ANKIB1: variants seen among roughly 807,000 people sequenced by gnomAD.
The protein encoded by ANKIB1 is ankyrin repeat and IBR domain-containing protein 1.
In ANKIB1, 43 loss-of-function variants were observed where a neutral mutation model predicts 122.1. The observed-to-expected ratio is 0.35, with a 90% CI of 0.28 to 0.45. The LOEUF (loss-of-function observed/expected upper bound fraction) is 0.45, where lower values mean the gene tolerates loss of function less well. Among genes scored for constraint, ANKIB1 ranks in the 20% least tolerant of loss-of-function variants. The pLI, the probability that ANKIB1 is intolerant of heterozygous loss-of-function variation, is 1.00. For missense variants in ANKIB1, 992 were observed against 1,329.5 expected, an observed-to-expected ratio of 0.75 and a Z score of 3.95; for synonymous variants, 390 against 442.0, an observed-to-expected ratio of 0.88 and a Z score of 1.48.
chr7:92,293,003 A>G (rs185030362), intron 1 of ANKIB1, among the ~76,000 whole-genome samples: 5 of 152,328 alleles, frequency 3.3e-5, no homozygotes, highest in Admixed American at 3.3e-4. Context: ...AAAAACCCAA[A>G]TGGTGACCTC....
At chr7:92,383,860 T>A (rs567035846) in intron 11 of ANKIB1, among the ~76,000 whole-genome samples, 1 of 152,300 alleles carries the variant, frequency 6.6e-6, no homozygotes, top group East Asian at 1.9e-4. Flanking sequence ...TCACCACTCC[T>A]ATTCAACATA....
chr7:92,347,004 A>G (rs899343700), intron 7 of ANKIB1, among the ~76,000 whole-genome samples: 3 of 152,210 alleles, frequency 2.0e-5, no homozygotes, highest in Non-Finnish European at 4.4e-5. Flanking sequence ...ATGTTGGGTG[A>G]TTCATGTGTT....
chr7:92,378,870 A>C (rs149617484), intron 11 of ANKIB1, among the ~76,000 whole-genome samples: 1 of 152,234 alleles, frequency 6.6e-6, no homozygotes, highest in Non-Finnish European at 1.5e-5. Context: ...GCAGAGTAAT[A>C]ACCTTCGTGT....
chr7:92,365,854 T>C (rs1411052957), intron 10 of ANKIB1, among the ~76,000 whole-genome samples: 1 of 121,232 alleles, frequency 8.2e-6, no homozygotes, highest in Non-Finnish European at 1.6e-5. Flanking sequence ...TGGAGTGCAG[T>C]GGTGCGATCT....
chr7:92,395,538 C>CTTTTTTTT (rs35028119), intron 17 of ANKIB1, among the ~76,000 whole-genome samples: 3 of 108,288 alleles, frequency 2.8e-5, no homozygotes, highest in Non-Finnish European at 5.8e-5. Context: ...ATCCCAGTCA[C>CTTTTTTTT]TTTTTTTTTT....
intron 5 of ANKIB1, among the ~76,000 whole-genome samples, chr7:92,335,314 C>G (rs1803263928): frequency 1.3e-5 from 2 of 151,864 alleles, no homozygotes; most frequent in South Asian, 4.1e-4. Context: ...TGTAGTCTGT[C>G]TTGATGACTA....
intron 17 of ANKIB1, among the ~76,000 whole-genome samples, chr7:92,395,108 C>A (rs1297217395): frequency 6.6e-6 from 1 of 152,116 alleles, no homozygotes; most frequent in African/African-American, 2.4e-5. Flanking sequence ...GTACCCTGGC[C>A]TCCTCTCTTC....
intron 3 of ANKIB1, among the ~76,000 whole-genome samples, chr7:92,310,146 A>T (rs1014693375): frequency 1.3e-5 from 2 of 151,760 alleles, no homozygotes; most frequent in Non-Finnish European, 2.9e-5. Flanking sequence ...ATACTGTACT[A>T]TCTGGCAGGC....
intron 10 of ANKIB1, among the ~76,000 whole-genome samples, chr7:92,367,435 A>G (rs1003953335): frequency 2.0e-5 from 3 of 152,248 alleles, no homozygotes; most frequent in African/African-American, 7.2e-5. Context: ...TGATATTTCA[A>G]AAAGGAAAAG....
Position 92,386,649 on chromosome 7 carries a change from G to A in ANKIB1, c.1752+6G>A, listed in dbSNP as rs1167373332. ...CCAAGGAAATGACTGTGGAGGTAAA[G>A]AGAACCAATTAAGCCAAGACATCTC... On this transcript the variant is annotated splice_donor_region_variant and intron_variant, in intron 12 of 19. Transcript: ENST00000265742. 2 of 1,591,448 alleles carry A rather than the reference G, an allele frequency of 1.3e-6. No individual in the cohort carries two copies.
rs1800950900 is a variant in ANKIB1, at chr7:92,246,071, C to T, written c.-539C>T. The T allele has an allele frequency of 3.6e-6, 1 of 281,508 alleles. No individual in the cohort carries two copies. Among genetic ancestry groups the T allele is most frequent in the South Asian group, 2.7e-5 (1 of 36,376 alleles). 17.4% of individuals were successfully genotyped at this position (281,508 alleles called of 1,614,324 possible). A position where few individuals can be genotyped will look rare whatever the true frequency, so the allele number is the denominator to read the frequency against. On this transcript the variant is annotated 5_prime_UTR_variant, in exon 1 of 20. Coordinates refer to ENST00000265742, the MANE Select transcript of ANKIB1 (RefSeq NM_019004.2). Reference sequence around the variant, plus strand: ...GGCGACTAGGAGACTAGGGTGGTGGCGGTGGGGGTGCCAGCGGCTGAGCCG... The same window carrying T: ...GGCGACTAGGAGACTAGGGTGGTGGTGGTGGGGGTGCCAGCGGCTGAGCCG...
intron 9 of ANKIB1, among the ~76,000 whole-genome samples, chr7:92,357,802 A>T (rs534608003): frequency 1.3e-5 from 2 of 151,878 alleles, no homozygotes; most frequent in African/African-American, 4.8e-5. Context: ...CATCTTCACT[A>T]CTTTTCTCAA....
chr7:92,338,925 AAAAAAAAAATATATATATAT>A (rs1207058064), intron 5 of ANKIB1, among the ~76,000 whole-genome samples: 2 of 59,206 alleles, frequency 3.4e-5, no homozygotes, highest in African/African-American at 1.3e-4. Context: ...AAAAAAAAAA[AAAAAAAAAATATATATATAT>A]ATATATATAT....
At chr7:92,351,508 TATC>T (rs1231783827) in intron 8 of ANKIB1, among the ~76,000 whole-genome samples, 1 of 152,156 alleles carries the variant, frequency 6.6e-6, no homozygotes, top group Non-Finnish European at 1.5e-5. Context: ...GGAAGTTTAT[TATC>T]ATTTTTATTC....
At chr7:92,250,410 T>G (rs1014141345) in intron 1 of ANKIB1, among the ~76,000 whole-genome samples, 2 of 152,100 alleles carry the variant, frequency 1.3e-5, no homozygotes, top group Non-Finnish European at 2.9e-5. Context: ...AATAAATCAA[T>G]AAAGCAGATA....
At chr7:92,291,712 T>C (rs1424736147) in intron 1 of ANKIB1, among the ~76,000 whole-genome samples, 2 of 151,726 alleles carry the variant, frequency 1.3e-5, no homozygotes, top group Non-Finnish European at 2.9e-5. Context: ...GATTAGCTGG[T>C]ATTACAGGCA....
chr7:92,290,268 T>G (rs183329669), intron 1 of ANKIB1, among the ~76,000 whole-genome samples: 1 of 152,350 alleles, frequency 6.6e-6, no homozygotes, highest in East Asian at 1.9e-4. Flanking sequence ...ATGAACTTCC[T>G]GCCTGTTTCT....
At position 92,397,698 on chromosome 7, in the gene ANKIB1, T is replaced by G. The variant is rs1804929985; in HGVS notation, c.2396-25T>G. 3 of 1,607,566 alleles carry G rather than the reference T, an allele frequency of 1.9e-6. No individual in the cohort carries two copies. The Middle Eastern group carries it at 5.0e-4, about 266-fold the overall frequency. On this transcript the variant is annotated intron_variant, in intron 18 of 19. Transcript: ENST00000265742. Reference sequence around the variant, plus strand: ...AAGTCTTATTTGTCACTAAATTGTCTTTGGTACCAATTGCTTTGAAACAGA... The same window carrying G: ...AAGTCTTATTTGTCACTAAATTGTCGTTGGTACCAATTGCTTTGAAACAGA...
intron 1 of ANKIB1, among the ~76,000 whole-genome samples, chr7:92,254,322 T>C (rs1801390492): frequency 1.3e-5 from 2 of 152,334 alleles, no homozygotes; most frequent in South Asian, 2.1e-4. Flanking sequence ...TTTGGACATA[T>C]GGATGGTCTC....
Sources: gnomAD v4.1 joint callset for allele counts (sites outside exome capture counted in the v4.1 genomes callset) on GRCh38, gnomAD v4.1.1 for gene constraint, MANE v1.5 for transcripts, NCBI Gene and HGNC (gene_info 2026-07-23, HGNC 2026-07-21) for gene names.